Variants in DDC observed in about 807,000 individuals in gnomAD.
DDC encodes the protein dopa decarboxylase, also known as aromatic-L-amino-acid decarboxylase.
DDC carries 43 observed loss-of-function variants against 60.0 expected under a neutral mutation model. The ratio of observed to expected loss-of-function variants is 0.72; its 90% confidence interval spans 0.56 to 0.92. The LOEUF (loss-of-function observed/expected upper bound fraction) is 0.92. Ranked by LOEUF, DDC falls within the 40% of genes least tolerant of loss-of-function variation. The probability of loss-of-function intolerance (pLI) is 0.00; values close to 1 mark genes in which losing one functional copy is unlikely to be tolerated. For missense variants in DDC, 573 were observed against 620.2 expected (o/e 0.92, Z 0.81); for synonymous variants, 232 against 234.6 (o/e 0.99, Z 0.10).
At chr7:50,497,598 C>A (rs1257273529) in intron 8 of DDC, among the ~76,000 whole-genome samples, 1 of 152,180 alleles carries the variant, frequency 6.6e-6, no homozygotes, top group East Asian at 1.9e-4. Flanking sequence ...CAGAGATTTA[C>A]TCTTCGTTTC....
chr7:50,537,043 T>A (rs1409241447), intron 4 of DDC, among the ~76,000 whole-genome samples: 1 of 151,748 alleles, frequency 6.6e-6, no homozygotes, highest in Admixed American at 6.6e-5. Context: ...AGTTGTTTTT[T>A]TTTTTTTTTT....
intron 11 of DDC, among the ~76,000 whole-genome samples, chr7:50,470,886 C>T (rs1451375938): frequency 6.6e-6 from 1 of 152,194 alleles, no homozygotes; most frequent in African/African-American, 2.4e-5. Context: ...AGCATAGCAG[C>T]ACTGTGTGGT....
In DDC at chr7:50,564,592, C is replaced by T. The variant is rs189566489; in HGVS notation, c.-29+693G>A. Among the ~76,000 whole-genome samples, 95 of 152,298 alleles carry T rather than the reference C, an allele frequency of 6.2e-4. No individual in the cohort carries two copies. In the South Asian group the frequency reaches 0.017, roughly 27 times the overall value. Reference sequence around the variant, plus strand: ...TTAAGCTTTGATTCTTATATACTTCCGACAACAGACTTAAAACCAGGAGAA... The same window carrying T: ...TTAAGCTTTGATTCTTATATACTTCTGACAACAGACTTAAAACCAGGAGAA... On this transcript the variant is annotated intron_variant, in intron 1 of 14. Coordinates refer to ENST00000444124, the MANE Select transcript of DDC (RefSeq NM_001082971.2).
At chr7:50,496,468 T>C (rs2043129160) in intron 8 of DDC, among the ~76,000 whole-genome samples, 1 of 152,150 alleles carries the variant, frequency 6.6e-6, no homozygotes, top group Admixed American at 6.5e-5. Context: ...GTAAAAACTG[T>C]GAACAACCGG....
chr7:50,504,061 T>C lies in DDC; in HGVS notation c.715-2A>G, dbSNP rs1477734255. On this transcript the variant is annotated splice_acceptor_variant, in intron 6 of 14. Transcript: ENST00000444124. LOFTEE classifies it high-confidence loss of function. Reference sequence around the variant, plus strand: ...TGTGGTCCCCAGGGTGGCAACCATCTAGAGGGTAAAAAGCAGACAGCCTTT... The same window carrying C: ...TGTGGTCCCCAGGGTGGCAACCATCCAGAGGGTAAAAAGCAGACAGCCTTT... 1.2e-6 allele frequency: 2 copies of C among 1,611,680 alleles called. No homozygotes were observed. The highest frequency in any genetic ancestry group is 1.7e-6 in the Non-Finnish European group (2 of 1,177,882).
chr7:50,553,181 A>ACGG (rs1168732514), intron 1 of DDC, among the ~76,000 whole-genome samples: 18 of 152,346 alleles, frequency 1.2e-4, no homozygotes, highest in African/African-American at 4.1e-4. Flanking sequence ...TGTCCATGGT[A>ACGG]CTGCCTGTTC....
intron 6 of DDC, among the ~76,000 whole-genome samples, chr7:50,527,299 A>G (rs1012211792): frequency 2.0e-5 from 3 of 152,146 alleles, no homozygotes; most frequent in African/African-American, 7.2e-5. Context: ...TAACATTTTC[A>G]GTGATGTTTC....
intron 6 of DDC, among the ~76,000 whole-genome samples, chr7:50,507,830 T>A (rs1253165230): frequency 6.6e-6 from 1 of 152,244 alleles, no homozygotes; most frequent in African/African-American, 2.4e-5. Context: ...GCAGGCCTAA[T>A]GCTGACAGCC....
intron 4 of DDC, among the ~76,000 whole-genome samples, chr7:50,531,313 C>T (rs2044199336): frequency 6.6e-6 from 1 of 152,072 alleles, no homozygotes; most frequent in South Asian, 2.1e-4. Flanking sequence ...CCCTGATTTC[C>T]TCCTGTCCCC....
intron 6 of DDC, among the ~76,000 whole-genome samples, chr7:50,505,144 C>A (rs11575368): frequency 0.013 from 1,999 of 152,288 alleles, 47 homozygotes; most frequent in African/African-American, 0.046. Flanking sequence ...ACTGTGTTGT[C>A]CCCACACACA....
chr7:50,501,273 G>A lies in DDC; in HGVS notation c.782-2031C>T, dbSNP rs116327874. On this transcript the variant is annotated intron_variant, in intron 7 of 14. Coordinates refer to ENST00000444124, the MANE Select transcript of DDC (RefSeq NM_001082971.2). ...GGCACCTCAGGATGCAGCTTTGGCTGCCTGCCCTGTGCTATTCCCTTCCTC... is the reference window on the plus strand; with the variant it reads ...GGCACCTCAGGATGCAGCTTTGGCTACCTGCCCTGTGCTATTCCCTTCCTC... 2.0e-5 allele frequency among the ~76,000 whole-genome samples: 3 copies of A among 152,198 alleles called. No homozygotes were observed. The East Asian group carries it at 5.8e-4, about 29-fold the overall frequency.
At chr7:50,547,268 TG>T (rs2044838875) in intron 1 of DDC, among the ~76,000 whole-genome samples, 1 of 152,044 alleles carries the variant, frequency 6.6e-6, no homozygotes. Context: ...TAGAGTGCAG[TG>T]GTGCGATCTT....
At chr7:50,495,320 C>T (rs771839680) in intron 9 of DDC, 30 bp downstream of exon 9, 2 of 1,567,552 alleles carry the variant, frequency 1.3e-6, no homozygotes, top group East Asian at 2.2e-5. Context: ...CTCGGACAGG[C>T]AACTGACATC....
At chr7:50,562,427 C>T (rs927325539) in intron 1 of DDC, among the ~76,000 whole-genome samples, 1 of 152,208 alleles carries the variant, frequency 6.6e-6, no homozygotes, top group African/African-American at 2.4e-5. Flanking sequence ...AGCAAGGTGG[C>T]TCATCCCCCC....
At chr7:50,544,386 C>G (rs1409813515) in intron 1 of DDC, among the ~76,000 whole-genome samples, 2 of 152,166 alleles carry the variant, frequency 1.3e-5, no homozygotes, top group Admixed American at 6.5e-5. Flanking sequence ...TAGAAGCACA[C>G]GTTTATTTTC....
intron 4 of DDC, among the ~76,000 whole-genome samples, chr7:50,534,789 T>A (rs1449681862): frequency 6.6e-6 from 1 of 152,214 alleles, no homozygotes; most frequent in Non-Finnish European, 1.5e-5. Context: ...CACGCAGCTG[T>A]CCCACTGGGT....
At chr7:50,555,729 C>T (rs1483472493) in intron 1 of DDC, among the ~76,000 whole-genome samples, 1 of 152,164 alleles carries the variant, frequency 6.6e-6, no homozygotes, top group Non-Finnish European at 1.5e-5. Flanking sequence ...TTCATAAGAA[C>T]CTTGTCAGGA....
chr7:50,524,685 G>A (rs73123231), intron 6 of DDC, among the ~76,000 whole-genome samples: 2,615 of 152,288 alleles, frequency 0.017, 51 homozygotes, highest in East Asian at 0.042. Context: ...TGGTAAGGAT[G>A]TATAAAGAGC....
intron 2 of DDC, among the ~76,000 whole-genome samples, chr7:50,541,724 G>A (rs897549058): frequency 1.3e-5 from 2 of 152,160 alleles, no homozygotes; most frequent in African/African-American, 4.8e-5. Context: ...CCCAGTCTAC[G>A]TCCTTTGATA....
Sources: gnomAD v4.1 joint callset for allele counts (sites outside exome capture counted in the v4.1 genomes callset) on GRCh38, gnomAD v4.1.1 for gene constraint, MANE v1.5 for transcripts, NCBI Gene and HGNC (gene_info 2026-07-23, HGNC 2026-07-21) for gene names.